Variants in POLN observed in about 807,000 individuals in gnomAD.
The protein encoded by POLN is DNA polymerase N.
Under a neutral mutation model 113.5 loss-of-function variants are expected in POLN, and 108 were observed. The ratio of observed to expected loss-of-function variants is 0.95; its 90% CI spans 0.81 to 1.12. The LOEUF (loss-of-function observed/expected upper bound fraction) is 1.12, where lower values mean the gene tolerates loss of function less well. POLN is among the 50% of genes most tolerant of loss of function. The pLI is 0.00. For synonymous variants in POLN, 386 were observed against 391.5 expected (o/e 0.99, Z 0.17); for missense variants, 1,097 against 1,077.1 (o/e 1.02, Z -0.26).
chr4:2,166,749 A>T (rs962869816), intron 13 of POLN, among the ~76,000 whole-genome samples: 1 of 152,110 alleles, frequency 6.6e-6, no homozygotes, highest in Non-Finnish European at 1.5e-5. Context: ...TAGTACACAC[A>T]CTGGCGACAC....
chr4:2,102,221 T>C (rs1207592158), intron 19 of POLN, among the ~76,000 whole-genome samples: 1 of 152,096 alleles, frequency 6.6e-6, no homozygotes, highest in Non-Finnish European at 1.5e-5. Context: ...CCAGCACAAG[T>C]TCACCTGGTC....
chr4:2,159,068 C>A (rs1330270786), intron 14 of POLN, 87 bp downstream of exon 14: 5 of 1,021,350 alleles, frequency 4.9e-6, no homozygotes, highest in South Asian at 2.7e-5. Context: ...GCTACTTCAG[C>A]CATTATGGAT....
chr4:2,076,803 T>C (rs1019855391), intron 23 of POLN: 3 of 152,248 alleles, frequency 2.0e-5, no homozygotes, highest in African/African-American at 7.2e-5. Context: ...GCTGGCACTT[T>C]CCACAGGGGA....
chr4:2,107,036 T>C (rs1294931908), intron 19 of POLN, among the ~76,000 whole-genome samples: 2 of 152,108 alleles, frequency 1.3e-5, no homozygotes, highest in East Asian at 3.8e-4. Context: ...GTCTTTTCTG[T>C]GCTATTCTAT....
At chr4:2,175,077 G>A (rs1732962343) in intron 9 of POLN, among the ~76,000 whole-genome samples, 2 of 152,072 alleles carry the variant, frequency 1.3e-5, no homozygotes, top group Non-Finnish European at 2.9e-5. Context: ...GCCCACCTTG[G>A]CCTCCCGAAG....
At chr4:2,079,453 G>GTGTGTGCATGGGT (rs2108688365) in intron 23 of POLN, 1 of 985,598 alleles carries the variant, frequency 1.0e-6, no homozygotes, top group Non-Finnish European at 1.2e-6. Flanking sequence ...ATGCGTATAT[G>GTGTGTGCATGGGT]TGTGTGCATG....
intron 2 of POLN, chr4:2,240,488 T>A (rs767387633): frequency 6.2e-6 from 10 of 1,613,754 alleles, no homozygotes; most frequent in Non-Finnish European, 7.6e-6. Context: ...CATTTAGAAT[T>A]CCTTGACTCT....
At chr4:2,078,594 C>T in intron 23 of POLN, 8 of 985,318 alleles carry the variant, frequency 8.1e-6, no homozygotes, top group Non-Finnish European at 9.6e-6. Context: ...ATGCCTGCTG[C>T]TTCAGCGAGA....
At position 2,145,880 on chromosome 4, in the gene POLN, G is replaced by A. The variant is rs1408486977; in HGVS notation, c.1731+10908C>T. On this transcript the variant is annotated intron_variant, in intron 16 of 25. Transcript: ENST00000511885. ...GCATTGTTTTTAATAGTGAAATATT[G>A]GAAACAACCTAGTATATCTGTACAA... Among the ~76,000 whole-genome samples the A allele has an allele frequency of 4.6e-5, 7 of 151,964 alleles. 1 individual carries two copies. The South Asian group carries it at 8.3e-4, about 18-fold the overall frequency.
At chr4:2,136,538 T>C (rs941298428) in intron 16 of POLN, among the ~76,000 whole-genome samples, 2 of 152,222 alleles carry the variant, frequency 1.3e-5, no homozygotes, top group African/African-American at 2.4e-5. Context: ...TCTAAAAAAA[T>C]TGAATGTTAA....
intron 5 of POLN, among the ~76,000 whole-genome samples, chr4:2,200,509 C>T (rs967405419): frequency 1.6e-4 from 24 of 152,298 alleles, no homozygotes; most frequent in Admixed American, 5.2e-4. Context: ...TATCCACAAC[C>T]GAAAGACCCA....
At chr4:2,173,141 G>A (rs1732905812) in intron 11 of POLN, among the ~76,000 whole-genome samples, 1 of 152,196 alleles carries the variant, frequency 6.6e-6, no homozygotes, top group Non-Finnish European at 1.5e-5. Flanking sequence ...AAAAGTCAGG[G>A]TTGCAGTTAC....
chr4:2,236,518 A>G (rs574985921), intron 2 of POLN: 1 of 1,186,170 alleles, frequency 8.4e-7, no homozygotes. Flanking sequence ...TTTCAAAATT[A>G]CAATCCACTG....
chr4:2,205,702 G>A lies in POLN; in HGVS notation c.714+2285C>T, dbSNP rs191592211. ...AGCCTGGTCAATATGGTGAAACCTC[G>A]TCTCTGCTAAAAATACAAAAATTAG... is the stretch of plus-strand genomic sequence containing the variant. On this transcript the variant is annotated intron_variant, in intron 5 of 25. Transcript: ENST00000511885. Among the ~76,000 whole-genome samples, 316 of 151,972 alleles carry A rather than the reference G, an allele frequency of 2.1e-3. 1 individual carries two copies. Among genetic ancestry groups the A allele is most frequent in the African/African-American group, 7.2e-3 (299 of 41,466 alleles).
chr4:2,145,959 C>A lies in POLN; in HGVS notation c.1731+10829G>T, dbSNP rs537947915. Among the ~76,000 whole-genome samples the A allele has an allele frequency of 5.9e-5, 9 of 151,952 alleles. No individual in the cohort carries two copies. The South Asian group carries it at 1.7e-3, about 28-fold the overall frequency. The stretch of plus-strand genomic sequence containing the variant: ...TAATTTAGAGCTACGTCTGTCAACA[C>A]AGATAAATCTCAAAAACATAATGTT... On this transcript the variant is annotated intron_variant, in intron 16 of 25. Coordinates refer to ENST00000511885, the MANE Select transcript of POLN (RefSeq NM_181808.4).
At chr4:2,178,237 T>G (rs1055295062) in intron 8 of POLN, among the ~76,000 whole-genome samples, 5 of 152,190 alleles carry the variant, frequency 3.3e-5, no homozygotes, top group African/African-American at 4.8e-5. Context: ...TATCCCCAGC[T>G]CAGTGCCCAG....
At chr4:2,170,519 C>T (rs111985131) in intron 13 of POLN, among the ~76,000 whole-genome samples, 160 bp downstream of exon 13, 52 of 152,242 alleles carry the variant, frequency 3.4e-4, no homozygotes, top group African/African-American at 1.2e-3. Flanking sequence ...TGGTCCATAG[C>T]GAGAAAAGCA....
At chr4:2,211,530 C>G (rs988858905) in intron 4 of POLN, among the ~76,000 whole-genome samples, 1 of 151,932 alleles carries the variant, frequency 6.6e-6, no homozygotes, top group Non-Finnish European at 1.5e-5. Context: ...AATCCCAGCA[C>G]TTTGGGAGGC....
intron 5 of POLN, among the ~76,000 whole-genome samples, chr4:2,199,982 G>C (rs1321313158): frequency 6.6e-6 from 1 of 152,034 alleles, no homozygotes; most frequent in Non-Finnish European, 1.5e-5. Context: ...AGCAAGACTT[G>C]CATACTACAC....
Sources: gnomAD v4.1 joint callset for allele counts (sites outside exome capture counted in the v4.1 genomes callset) on GRCh38, gnomAD v4.1.1 for gene constraint, MANE v1.5 for transcripts, NCBI Gene and HGNC (gene_info 2026-07-23, HGNC 2026-07-21) for gene names.